ITPR1: variants seen among roughly 807,000 people sequenced by gnomAD.
The protein encoded by ITPR1 is inositol 1,4,5-trisphosphate-gated calcium channel ITPR1.
A neutral mutation model predicts 318.4 loss-of-function variants in ITPR1; 96 were observed. That is an observed-to-expected ratio of 0.30 (90% confidence interval 0.26 to 0.36). ITPR1 has a LOEUF of 0.36. Among genes scored for constraint, ITPR1 ranks in the 10% least tolerant of loss-of-function variants. ITPR1 has a pLI of 1.00. For missense variants in ITPR1, 2,440 were observed against 3,460.2 expected, an observed-to-expected ratio of 0.71 and a Z score of 7.40; for synonymous variants, 1,312 against 1,289.9, an observed-to-expected ratio of 1.02 and a Z score of -0.37.
chr3:4,496,914 T>C (rs1349884996), intron 2 of ITPR1, among the ~76,000 whole-genome samples: 1 of 152,218 alleles, frequency 6.6e-6, no homozygotes, highest in Non-Finnish European at 1.5e-5. Context: ...GGCCTGGAGT[T>C]AGGTTTCTAG....
At chr3:4,699,640 C>T (rs2125259959) in intron 34 of ITPR1, among the ~76,000 whole-genome samples, 173 bp from the exon 35 acceptor site, 1 of 152,300 alleles carries the variant, frequency 6.6e-6, no homozygotes, top group South Asian at 2.1e-4. Context: ...TGATCTGCTT[C>T]TCTTTTTTTC....
intron 4 of ITPR1, among the ~76,000 whole-genome samples, chr3:4,601,175 C>CTTTTTT (rs68165287): frequency 0.021 from 2,498 of 119,634 alleles, 106 homozygotes; most frequent in Non-Finnish European, 0.024. Context: ...GAAAAATATT[C>CTTTTTT]TTTTTTTTTT....
At chr3:4,794,080 C>T (rs2047742020) in intron 52 of ITPR1, among the ~76,000 whole-genome samples, 3 of 152,142 alleles carry the variant, frequency 2.0e-5, no homozygotes, top group South Asian at 2.1e-4. Context: ...ATGCTTTTCT[C>T]TGGAGGGGGA....
Position 4,779,432 on chromosome 3 carries a change from G to T in ITPR1, c.6292-118G>T. On this transcript the variant is annotated intron_variant, in intron 48 of 61. Transcript: ENST00000649015. The surrounding 1 kb of genome is among the most constrained non-coding windows in gnomAD (Gnocchi z 4.0). ...GTCCTTAACCCAGAGCTTCCTCATGGGGTGAAATGTTCGTCTGTTTAGCCG... is the reference window on the plus strand; with the variant it reads ...GTCCTTAACCCAGAGCTTCCTCATGTGGTGAAATGTTCGTCTGTTTAGCCG... 1.4e-6 allele frequency: 1 copy of T among 706,408 alleles called. No homozygotes were observed. The allele number at this position is 706,408 out of a possible 1,614,324, so 43.8% of individuals were successfully genotyped here.
At chr3:4,667,659 T>C (rs761765862) in intron 18 of ITPR1, 110 bp downstream of exon 18, 2 of 1,093,062 alleles carry the variant, frequency 1.8e-6, no homozygotes, top group Non-Finnish European at 2.6e-6. Context: ...CAAGTTTTGA[T>C]TAGTTAGGTC....
At chr3:4,511,291 A>G (rs1012867446) in intron 2 of ITPR1, among the ~76,000 whole-genome samples, 2 of 152,104 alleles carry the variant, frequency 1.3e-5, no homozygotes, top group African/African-American at 4.8e-5. Context: ...ATAGAATCAA[A>G]TCTTCCCTGC....
chr3:4,541,838 A>G (rs2084488732), intron 4 of ITPR1, among the ~76,000 whole-genome samples: 1 of 152,106 alleles, frequency 6.6e-6, no homozygotes, highest in South Asian at 2.1e-4. Flanking sequence ...GTTGGCCAGG[A>G]TAGTCTCAAT....
chr3:4,640,592 T>A (rs185275535), intron 6 of ITPR1, among the ~76,000 whole-genome samples: 2 of 152,200 alleles, frequency 1.3e-5, no homozygotes, highest in Admixed American at 6.5e-5. Context: ...GAAATGAAGA[T>A]GAAAGGTGCA....
intron 44 of ITPR1, among the ~76,000 whole-genome samples, chr3:4,755,531 A>G (rs2044907684): frequency 6.6e-6 from 1 of 151,744 alleles, no homozygotes; most frequent in Non-Finnish European, 1.5e-5. Flanking sequence ...AAGCCACCAT[A>G]CTGGACCCTG....
chr3:4,696,415 A>G (rs2094558611), intron 33 of ITPR1, among the ~76,000 whole-genome samples: 1 of 152,208 alleles, frequency 6.6e-6, no homozygotes, highest in Non-Finnish European at 1.5e-5. Flanking sequence ...CTCAAGGCTC[A>G]CACAAGTTGT....
intron 41 of ITPR1, 25 bp downstream of exon 41, chr3:4,725,606 G>A: frequency 6.3e-7 from 1 of 1,588,842 alleles, no homozygotes. Flanking sequence ...TATATTTGTA[G>A]CGCCAGCGCC....
chr3:4,639,305 G>A (rs993216505), intron 5 of ITPR1, 79 bp from the exon 6 acceptor site: 10 of 1,077,036 alleles, frequency 9.3e-6, no homozygotes, highest in Admixed American at 8.3e-5. Context: ...ATGAACTGGC[G>A]ACATTTGTTC....
chr3:4,630,086 A>G (rs1410423495), intron 5 of ITPR1, among the ~76,000 whole-genome samples: 1 of 152,254 alleles, frequency 6.6e-6, no homozygotes, highest in Admixed American at 6.5e-5. Flanking sequence ...TTAAAAAATT[A>G]TAAAGGAGAA....
At chr3:4,529,937 G>T (rs1020563395) in intron 4 of ITPR1, among the ~76,000 whole-genome samples, 3 of 152,282 alleles carry the variant, frequency 2.0e-5, no homozygotes, top group Admixed American at 6.5e-5. Context: ...CCAAGATCAC[G>T]TAGCTAGAAG....
rs539536912 is a variant in ITPR1 at position 4,578,988 on chromosome 3, A to C, written c.164-48775A>C. On this transcript the variant is annotated intron_variant, in intron 4 of 61. Coordinates refer to ENST00000649015, the MANE Select transcript of ITPR1 (RefSeq NM_001378452.1). The stretch of plus-strand genomic sequence containing the variant: ...AAATACTGAGTAGAACAAAAATTCC[A>C]TTGACCCATGTGATATTGCTGATTT... 2.0e-5 allele frequency among the ~76,000 whole-genome samples: 3 copies of C among 152,252 alleles called. No individual in the cohort carries two copies. The East Asian group carries it at 5.8e-4, about 29-fold the overall frequency.
At chr3:4,690,499 T>A (rs950302918) in intron 31 of ITPR1, among the ~76,000 whole-genome samples, 1 of 152,208 alleles carries the variant, frequency 6.6e-6, no homozygotes, top group Non-Finnish European at 1.5e-5. Flanking sequence ...GAATGTAGAA[T>A]GCAACTTGTT....
Position 4,702,966 on chromosome 3 carries a change from A to G in ITPR1, c.4657+16A>G. 6.2e-7 allele frequency: 1 copy of G among 1,612,186 alleles called. No individual in the cohort carries two copies. The highest frequency in any genetic ancestry group is 8.5e-7 in the Non-Finnish European group (1 of 1,178,388). ...TCTGATGTAGGTAAGATACCAAGTC[A>G]GTTTGGATATACGTGATGAAAATGA... is the stretch of plus-strand genomic sequence containing the variant. On this transcript the variant is annotated intron_variant, in intron 36 of 61. Coordinates refer to ENST00000649015, the MANE Select transcript of ITPR1 (RefSeq NM_001378452.1).
At chr3:4,577,110 A>G (rs990090279) in intron 4 of ITPR1, among the ~76,000 whole-genome samples, 3 of 152,190 alleles carry the variant, frequency 2.0e-5, no homozygotes, top group African/African-American at 7.2e-5. Flanking sequence ...GCTGCCAGTT[A>G]TATGTGGTAG....
At chr3:4,802,398 T>C (rs2048289294) in intron 54 of ITPR1, among the ~76,000 whole-genome samples, 1 of 152,292 alleles carries the variant, frequency 6.6e-6, no homozygotes, top group African/African-American at 2.4e-5. Flanking sequence ...TGGCTTGTTA[T>C]GTGGATTCAT....
Sources: gnomAD v4.1 joint callset for allele counts (sites outside exome capture counted in the v4.1 genomes callset) on GRCh38, gnomAD v4.1.1 for gene constraint, Gnocchi (gnomAD v3.1) non-coding constraint, MANE v1.5 for transcripts, NCBI Gene and HGNC (gene_info 2026-07-23, HGNC 2026-07-21) for gene names.